The following TMEM86B variants were observed in gnomAD, a reference collection of about 807,000 sequenced individuals.
TMEM86B encodes the protein transmembrane protein 86B.
In TMEM86B, 15 loss-of-function variants were observed where a neutral mutation model predicts 12.3. The ratio of observed to expected loss-of-function variants is 1.22; its 90% CI spans 0.81 to 1.87. The LOEUF is 1.87. TMEM86B is among the 40% of genes most tolerant of loss of function. The pLI, the probability that TMEM86B is intolerant of heterozygous loss-of-function variation, is 0.00. For synonymous variants in TMEM86B, 173 were observed against 140.3 expected (o/e 1.23, Z -1.65); for missense variants, 328 against 297.4 (o/e 1.10, Z -0.76).
rs374812161 is a variant in TMEM86B at position 55,227,355 on chromosome 19, G to A, written c.507C>T (p.Gly169=). ...GCAGCGCGCCCCAGCCGGCACTCCC[G>A]CCCTGGGCCAGGCCGCGCCACAGCA... ...MAMLWRGLAQ[G]GSAGWGALLF... Residue 169 remains glycine, a synonymous_variant, in exon 3 of 3, where the codon GGC becomes GGT. Transcript: ENST00000327042. 18 of 1,602,842 alleles carry A rather than the reference G, an allele frequency of 1.1e-5. No homozygotes were observed. The highest frequency in any genetic ancestry group is 6.8e-5 in the Admixed American group (4 of 58,660).
chr19:55,227,779 C>T, intron 2 of TMEM86B: 1 of 665,022 alleles, frequency 1.5e-6, no homozygotes, highest in Non-Finnish European at 2.4e-6. Flanking sequence ...GCCCCATGGC[C>T]TCCAGCTCTC....
rs113969532 is a variant in TMEM86B, at chr19:55,227,536, A to T, written c.326T>A (p.Leu109His). The T allele has an allele frequency of 5.2e-6, 8 of 1,537,200 alleles. No individual in the cohort carries two copies. Among genetic ancestry groups the T allele is most frequent in the Non-Finnish European group, 7.0e-6 (8 of 1,137,258 alleles). ...PGMAAFATAHLLYVWAFGFSP... is the reference protein window; with the variant it reads ...PGMAAFATAHHLYVWAFGFSP... ...GAAGCCGAAGGCCCAGACGTAGAGG[A>T]GGTGGGCGGTGGCAAAGGCGGCCAT... The change falls in exon 3 of 3, where the codon CTC (leucine) becomes CAC (histidine). Residue 109 changes from leucine (L) to histidine (H), a missense_variant. Leu to His is a moderately conservative substitution (Grantham distance 99, BLOSUM62 -3). Coordinates refer to ENST00000327042, the MANE Select transcript of TMEM86B (RefSeq NM_173804.5).
Position 55,227,412 on chromosome 19 carries a change from C to T in TMEM86B, c.450G>A (p.Pro150=), listed in dbSNP as rs761919851. The part of the protein sequence containing the change: ...LQHLEPDMVL[P]VAAYGLILMA... ...TCAGGATCAGCCCATAGGCTGCCAC[C>T]GGCAGGACCATATCCGGCTCGAGGT... is the stretch of plus-strand genomic sequence containing the variant. The change falls in exon 3 of 3, where the codon CCG becomes CCA. Residue 150 remains proline, a synonymous_variant. Transcript: ENST00000327042. 1.9e-5 allele frequency: 30 copies of T among 1,580,880 alleles called. No individual in the cohort carries two copies. Among genetic ancestry groups the T allele is most frequent in the South Asian group, 5.7e-5 (5 of 87,098 alleles).
chr19:55,228,010 C>CT, intron 2 of TMEM86B, 181 bp downstream of exon 2: 1 of 1,104,120 alleles, frequency 9.1e-7, no homozygotes, highest in Non-Finnish European at 1.3e-6. Context: ...AGCTACTGCC[C>CT]TAACACCGCC....
At position 55,227,494 on chromosome 19, in the gene TMEM86B, C is replaced by T. The variant is rs1413800426; in HGVS notation, c.368G>A (p.Gly123Asp). 1 of 1,551,670 alleles carries T rather than the reference C, an allele frequency of 6.4e-7. No individual in the cohort carries two copies. Among genetic ancestry groups the T allele is most frequent in the Admixed American group, 2.0e-5 (1 of 51,018 alleles). ...GGCCAGGATGATGAGCAGCAGCAGGCCGGGCTGCAGGGGAGAGAAGCCGAA... is the reference window on the plus strand; with the variant it reads ...GGCCAGGATGATGAGCAGCAGCAGGTCGGGCTGCAGGGGAGAGAAGCCGAA... ...WAFGFSPLQP[G>D]LLLLIILAPG... The change falls in exon 3 of 3, where the codon GGC becomes GAC. Residue 123 changes from glycine (G) to aspartate (D), a missense_variant. Transcript: ENST00000327042.
chr19:55,228,072 C>A (rs746855127), intron 2 of TMEM86B, 119 bp downstream of exon 2: 6 of 1,444,212 alleles, frequency 4.2e-6, no homozygotes, highest in Non-Finnish European at 5.5e-6. Context: ...GCTGCGCCCC[C>A]CACTGTGCCT....
Position 55,228,290 on chromosome 19 carries a change from T to C in TMEM86B, c.199A>G (p.Met67Val), listed in dbSNP as rs781484184. The C allele has an allele frequency of 2.5e-6, 4 of 1,613,400 alleles. No homozygotes were observed. Reference sequence around the variant, plus strand: ...TGGGTGTAGCCCCCGCTTGGGGACATGACCCACAGGAACCCAGCCAGGCAG... The same window carrying C: ...TGGGTGTAGCCCCCGCTTGGGGACACGACCCACAGGAACCCAGCCAGGCAG... ...VLCLAGFLWV[M>V]SPSGGYTQLL... is the part of the protein sequence containing the mutation. The change falls in exon 2 of 3, where the codon ATG becomes GTG. Residue 67 changes from methionine (M) to valine (V), a missense_variant. Coordinates refer to ENST00000327042, the MANE Select transcript of TMEM86B (RefSeq NM_173804.5).
At position 55,228,366 on chromosome 19, in the gene TMEM86B, G is replaced by A. The variant is rs771220842; in HGVS notation, c.123C>T (p.Pro41=). 6.2e-6 allele frequency: 10 copies of A among 1,613,896 alleles called. No individual in the cohort carries two copies. In the East Asian group the frequency reaches 6.7e-5, roughly 11 times the overall value. Reference sequence around the variant, plus strand: ...CAGCGAACCAGGACAGCTGGTCCTCGGGAATCCAGAGGCAGAAGTACACGC... The same window carrying A: ...CAGCGAACCAGGACAGCTGGTCCTCAGGAATCCAGAGGCAGAAGTACACGC... ...SCCVYFCLWI[P]EDQLSWFAAL... The change falls in exon 2 of 3, where the codon CCC becomes CCT. Residue 41 remains proline, a synonymous_variant. Coordinates refer to ENST00000327042, the MANE Select transcript of TMEM86B (RefSeq NM_173804.5).
At chr19:55,228,010 C>T in intron 2 of TMEM86B, 181 bp downstream of exon 2, 1 of 1,104,118 alleles carries the variant, frequency 9.1e-7, no homozygotes. Flanking sequence ...AGCTACTGCC[C>T]TAACACCGCC....
At position 55,226,888 on chromosome 19, in the gene TMEM86B, G is replaced by A. The variant is rs551154302; in HGVS notation, c.*293C>T. Reference sequence around the variant, plus strand: ...CAGGGGGCGGGCAGGCTGTGGGGCCGACAGTGAACATGGAGGCAGGCTGGT... The same window carrying A: ...CAGGGGGCGGGCAGGCTGTGGGGCCAACAGTGAACATGGAGGCAGGCTGGT... On this transcript the variant is annotated 3_prime_UTR_variant, in exon 3 of 3. Coordinates refer to ENST00000327042, the MANE Select transcript of TMEM86B (RefSeq NM_173804.5). 2.5e-5 allele frequency: 8 copies of A among 322,932 alleles called. No individual in the cohort carries two copies. The highest frequency in any genetic ancestry group is 1.3e-4 in the South Asian group (1 of 7,682). 20.0% of individuals were successfully genotyped at this position (322,932 alleles called of 1,614,324 possible).
chr19:55,228,547 C>G lies in TMEM86B; in HGVS notation c.52-110G>C, dbSNP rs548645595. On this transcript the variant is annotated intron_variant, in intron 1 of 2. Coordinates refer to ENST00000327042, the MANE Select transcript of TMEM86B (RefSeq NM_173804.5). ...CCACCTGGGACCCCAGCTGTACAGG[C>G]TGGACCCATTCAGGGACCAGGCTGC... 54 of 1,534,854 alleles carry G rather than the reference C, an allele frequency of 3.5e-5. No individual in the cohort carries two copies. In the Admixed American group the frequency reaches 1.0e-3, roughly 28 times the overall value.
Position 55,226,976 on chromosome 19 carries a change from A to G in TMEM86B, c.*205T>C. 2.1e-6 allele frequency: 1 copy of G among 483,916 alleles called. No individual in the cohort carries two copies. 30.0% of individuals were successfully genotyped at this position (483,916 alleles called of 1,614,324 possible). A position where few individuals can be genotyped will look rare whatever the true frequency, so the allele number is the denominator to read the frequency against. On this transcript the variant is annotated 3_prime_UTR_variant, in exon 3 of 3. Coordinates refer to ENST00000327042, the MANE Select transcript of TMEM86B (RefSeq NM_173804.5). ...AGGGATCTGGAGTCAGAACCGGGGG[A>G]AGGCAGCTGGAACCCAGTAGTGGAC...
rs971643935 is a variant in TMEM86B, at chr19:55,227,099, A to G, written c.*82T>C. Reference sequence around the variant, plus strand: ...GTCAGGAAGCTTCGCTGCTGAGGGTATTTCTCAGGCTGGGCTGGGCTGGGA... The same window carrying G: ...GTCAGGAAGCTTCGCTGCTGAGGGTGTTTCTCAGGCTGGGCTGGGCTGGGA... On this transcript the variant is annotated 3_prime_UTR_variant, in exon 3 of 3. Coordinates refer to ENST00000327042, the MANE Select transcript of TMEM86B (RefSeq NM_173804.5). The G allele has an allele frequency of 1.5e-6, 2 of 1,350,638 alleles. No individual in the cohort carries two copies. Among genetic ancestry groups the G allele is most frequent in the Non-Finnish European group, 1.9e-6 (2 of 1,040,668 alleles). The allele number at this position is 1,350,638 out of a possible 1,614,324, so 83.7% of individuals were successfully genotyped here.
chr19:55,227,166 C>T lies in TMEM86B; in HGVS notation c.*15G>A, dbSNP rs780000712. On this transcript the variant is annotated 3_prime_UTR_variant, in exon 3 of 3. Transcript: ENST00000327042. ...GGAGGAGAGGGCCTGAACACCGGCC[C>T]TTCAAGCTCCCTAGTCAGTCAGTCT... is the stretch of plus-strand genomic sequence containing the variant. 1.4e-6 allele frequency: 2 copies of T among 1,467,566 alleles called. No homozygotes were observed. Among genetic ancestry groups the T allele is most frequent in the Non-Finnish European group, 1.8e-6 (2 of 1,104,304 alleles). 90.9% of individuals were successfully genotyped at this position (1,467,566 alleles called of 1,614,324 possible). A position where few individuals can be genotyped will look rare whatever the true frequency, so the allele number is the denominator to read the frequency against.
At position 55,227,413 on chromosome 19, in the gene TMEM86B, G is replaced by C. The variant is rs763893313; in HGVS notation, c.449C>G (p.Pro150Arg). 1.7e-5 allele frequency: 27 copies of C among 1,580,674 alleles called. No homozygotes were observed. The highest frequency in any genetic ancestry group is 3.3e-4 in the Middle Eastern group (2 of 6,030). ...LQHLEPDMVL[P>R]VAAYGLILMA... ...CAGGATCAGCCCATAGGCTGCCACCGGCAGGACCATATCCGGCTCGAGGTG... is the reference window on the plus strand; with the variant it reads ...CAGGATCAGCCCATAGGCTGCCACCCGCAGGACCATATCCGGCTCGAGGTG... The change falls in exon 3 of 3, where the codon CCG (proline) becomes CGG (arginine). Residue 150 changes from proline (P) to arginine (R), a missense_variant. By Grantham distance (103) the Pro-to-Arg change is moderately radical. Transcript: ENST00000327042.
Position 55,227,345 on chromosome 19 carries a change from C to T in TMEM86B, c.517G>A (p.Gly173Ser), listed in dbSNP as rs149266330. The change falls in exon 3 of 3, where the codon GGC becomes AGC. Residue 173 changes from glycine (G) to serine (S), a missense_variant. Gly to Ser is a moderately conservative substitution (Grantham distance 56, BLOSUM62 0). Transcript: ENST00000327042. The stretch of plus-strand genomic sequence containing the variant: ...AGCGTGAAGAGCAGCGCGCCCCAGC[C>T]GGCACTCCCGCCCTGGGCCAGGCCG... The part of the protein sequence containing the change: ...WRGLAQGGSA[G>S]WGALLFTLSD... 2.6e-4 allele frequency: 416 copies of T among 1,604,094 alleles called. 3 individuals are homozygous for T. The East Asian group carries it at 9.0e-3, about 35-fold the overall frequency.
chr19:55,228,445 G>A lies in TMEM86B; in HGVS notation c.52-8C>T, dbSNP rs10419308. ...CCTGCAGACATCTGGGCGCTTTGGG[G>A]AGTGGGGAGCTACTGAGCCGAAACC... On this transcript the variant is annotated splice_region_variant and splice_polypyrimidine_tract_variant and intron_variant, in intron 1 of 2. Transcript: ENST00000327042. 0.18 allele frequency: 291,324 copies of A among 1,609,602 alleles called. 26,899 individuals are homozygous for A. The highest frequency in any genetic ancestry group is 0.24 in the Middle Eastern group (1,444 of 6,046).
chr19:55,228,365 C>G lies in TMEM86B; in HGVS notation c.124G>C (p.Glu42Gln). ...CCVYFCLWIP[E>Q]DQLSWFAALV... ...GCAGCGAACCAGGACAGCTGGTCCTCGGGAATCCAGAGGCAGAAGTACACG... is the reference window on the plus strand; with the variant it reads ...GCAGCGAACCAGGACAGCTGGTCCTGGGGAATCCAGAGGCAGAAGTACACG... Residue 42 changes from glutamate (E) to glutamine (Q), a missense_variant, in exon 2 of 3, where the codon GAG becomes CAG. Transcript: ENST00000327042. The G allele has an allele frequency of 1.2e-6, 2 of 1,613,862 alleles. No homozygotes were observed. The highest frequency in any genetic ancestry group is 4.5e-5 in the East Asian group (2 of 44,880).
At chr19:55,228,067 G>T (rs748960319) in intron 2 of TMEM86B, 124 bp downstream of exon 2, 3 of 1,428,706 alleles carry the variant, frequency 2.1e-6, no homozygotes, top group Non-Finnish European at 2.8e-6. Flanking sequence ...TCACGGCTGC[G>T]CCCCCCACTG....
Sources: gnomAD v4.1 joint callset for allele counts on GRCh38, gnomAD v4.1.1 for gene constraint, MANE v1.5 for transcripts, NCBI Gene and HGNC (gene_info 2026-07-23, HGNC 2026-07-21) for gene names.